RPS6KA2: variants seen among roughly 807,000 people sequenced by gnomAD.
The protein encoded by RPS6KA2 is ribosomal protein S6 kinase A2.
RPS6KA2 carries 42 observed loss-of-function variants against 91.8 expected under a neutral mutation model. The observed-to-expected ratio is 0.46, with a 90% CI of 0.36 to 0.59. The LOEUF (loss-of-function observed/expected upper bound fraction) is 0.59. Among genes scored for constraint, RPS6KA2 ranks in the 20% least tolerant of loss-of-function variants. The pLI, the probability that RPS6KA2 is intolerant of heterozygous loss-of-function variation, is 0.00. For missense variants in RPS6KA2, 798 were observed against 978.5 expected (o/e 0.82, Z 2.46); for synonymous variants, 414 against 393.6 (o/e 1.05, Z -0.61).
At chr6:166,516,802 G>A (rs1782659434) in intron 3 of RPS6KA2, among the ~76,000 whole-genome samples, 1 of 152,190 alleles carries the variant, frequency 6.6e-6, no homozygotes, top group Non-Finnish European at 1.5e-5. Context: ...TGTTCCATCT[G>A]CCAGGCCCTG....
At position 166,745,317 on chromosome 6, in the gene RPS6KA2, A is replaced by T. The variant is rs1020883111; in HGVS notation, c.123+112883T>A. ...CAGGTGTGTGCCACCATGCCTGGCTAATTTTTGTATTTTTAGTAGAAATGG... is the reference window on the plus strand; with the variant it reads ...CAGGTGTGTGCCACCATGCCTGGCTTATTTTTGTATTTTTAGTAGAAATGG... On this transcript the variant is annotated intron_variant, in intron 2 of 21. Coordinates refer to the RPS6KA2 transcript ENST00000503859. Among the ~76,000 whole-genome samples the T allele has an allele frequency of 4.0e-5, 6 of 151,834 alleles. No individual in the cohort carries two copies. In the East Asian group the frequency reaches 7.8e-4, roughly 20 times the overall value.
At chr6:166,797,648 G>A (rs989340032) in intron 2 of RPS6KA2, among the ~76,000 whole-genome samples, 3 of 152,058 alleles carry the variant, frequency 2.0e-5, no homozygotes, top group Admixed American at 6.5e-5. Context: ...GTCCAGGCAG[G>A]GGGTGCTGAC....
At chr6:166,455,041 C>T (rs999113258) in intron 12 of RPS6KA2, among the ~76,000 whole-genome samples, 1 of 151,578 alleles carries the variant, frequency 6.6e-6, no homozygotes, top group South Asian at 2.1e-4. Flanking sequence ...TTTAAGACTC[C>T]CTGTATGTAT....
chr6:166,676,728 A>G (rs1788631065), intron 2 of RPS6KA2, among the ~76,000 whole-genome samples: 1 of 151,910 alleles, frequency 6.6e-6, no homozygotes, highest in South Asian at 2.1e-4. Flanking sequence ...CACTTACCAC[A>G]CTCTGCTGCG....
At chr6:166,855,549 T>C (rs1780878210) in intron 2 of RPS6KA2, among the ~76,000 whole-genome samples, 1 of 152,168 alleles carries the variant, frequency 6.6e-6, no homozygotes. Flanking sequence ...GTTCAGAATA[T>C]GGCTCTTTTA....
intron 10 of RPS6KA2, among the ~76,000 whole-genome samples, chr6:166,478,781 G>C (rs1407912168): frequency 1.3e-5 from 2 of 152,170 alleles, no homozygotes; most frequent in African/African-American, 4.8e-5. Context: ...GGTGCTCTCT[G>C]CTTGTTTATG....
intron 2 of RPS6KA2, among the ~76,000 whole-genome samples, chr6:166,780,350 A>T (rs1184499996): frequency 6.6e-6 from 1 of 152,188 alleles, no homozygotes; most frequent in Non-Finnish European, 1.5e-5. Context: ...GACAATGGCC[A>T]CCTGGCCATG....
chr6:166,420,439 A>G (rs948683208), intron 17 of RPS6KA2, among the ~76,000 whole-genome samples: 2 of 151,986 alleles, frequency 1.3e-5, no homozygotes, highest in African/African-American at 4.8e-5. Context: ...CTACCCTTCT[A>G]CTGTCCGTCT....
intron 17 of RPS6KA2, 86 bp from the exon 18 acceptor site, chr6:166,420,044 G>T: frequency 1.6e-6 from 2 of 1,264,596 alleles, no homozygotes; most frequent in Non-Finnish European, 1.1e-6. Flanking sequence ...ATCCTACGCC[G>T]GCAAGCTGGG....
At chr6:166,504,647 C>A (rs780578340) in intron 5 of RPS6KA2, 35 bp from the exon 6 acceptor site, 3 of 1,441,112 alleles carry the variant, frequency 2.1e-6, no homozygotes, top group Non-Finnish European at 2.9e-6. Flanking sequence ...AAACAAAAAA[C>A]GTTTAACTTG....
chr6:166,762,061 C>T (rs561943872), intron 2 of RPS6KA2, among the ~76,000 whole-genome samples: 2 of 152,296 alleles, frequency 1.3e-5, no homozygotes, highest in African/African-American at 2.4e-5. Flanking sequence ...GGCTCTATCA[C>T]GTGGAGGCCC....
At position 166,459,760 on chromosome 6, in the gene RPS6KA2, T is replaced by C. The variant is rs536047483; in HGVS notation, c.973-209A>G. Among the ~76,000 whole-genome samples, 1 of 152,344 alleles carries C rather than the reference T, an allele frequency of 6.6e-6. No homozygotes were observed. The highest frequency in any genetic ancestry group is 2.4e-5 in the African/African-American group (1 of 41,574). On this transcript the variant is annotated intron_variant, in intron 11 of 20. Coordinates refer to ENST00000265678, the MANE Select transcript of RPS6KA2 (RefSeq NM_021135.6). This position sits in a 1 kb window ranked among gnomAD's most constrained non-coding sequence, Gnocchi z 4.9. ...GTAGTATGATAGATACTATGGCATA[T>C]ATAATAACGATGTATTATAGAAAGG... is the stretch of plus-strand genomic sequence containing the variant.
rs111764797 is a variant in RPS6KA2 at position 166,591,581 on chromosome 6, G to A, written c.99+35340C>T. ...GAAAGCAGACACACACCAAGAAGGC[G>A]GCCCTGAGATGATGGAGGCAGCCAA... is the stretch of plus-strand genomic sequence containing the variant. On this transcript the variant is annotated intron_variant, in intron 1 of 20. Coordinates refer to ENST00000265678, the MANE Select transcript of RPS6KA2 (RefSeq NM_021135.6). 1.0e-3 allele frequency among the ~76,000 whole-genome samples: 152 copies of A among 152,170 alleles called. 1 individual carries two copies. Among genetic ancestry groups the A allele is most frequent in the African/African-American group, 3.5e-3 (144 of 41,514 alleles).
chr6:166,506,437 T>C (rs1387063439), intron 5 of RPS6KA2, among the ~76,000 whole-genome samples: 4 of 151,560 alleles, frequency 2.6e-5, no homozygotes, highest in Admixed American at 2.6e-4. Context: ...GAGAGGGGAG[T>C]GGACAAACCA....
chr6:166,618,678 C>T (rs1187147072), intron 1 of RPS6KA2, among the ~76,000 whole-genome samples: 1 of 152,236 alleles, frequency 6.6e-6, no homozygotes. Context: ...GGCAAATGCC[C>T]ATCACCTCCG....
chr6:166,543,994 C>T (rs924356309), intron 1 of RPS6KA2, among the ~76,000 whole-genome samples: 1 of 152,264 alleles, frequency 6.6e-6, no homozygotes, highest in Non-Finnish European at 1.5e-5. Context: ...GTCACCAGTT[C>T]CCCTGCCCTG....
chr6:166,734,274 C>G (rs1164085673), intron 2 of RPS6KA2, among the ~76,000 whole-genome samples: 1 of 152,210 alleles, frequency 6.6e-6, no homozygotes, highest in African/African-American at 2.4e-5. Flanking sequence ...GCCTCGTATA[C>G]CTGTTTCTCT....
intron 2 of RPS6KA2, among the ~76,000 whole-genome samples, chr6:166,788,221 C>G (rs1224265104): frequency 6.6e-6 from 1 of 152,166 alleles, no homozygotes; most frequent in African/African-American, 2.4e-5. Context: ...AATGGGAATG[C>G]TTTTATGCTG....
chr6:166,862,026 T>C, intron 1 of RPS6KA2: 1 of 1,564,868 alleles, frequency 6.4e-7, no homozygotes, highest in Non-Finnish European at 8.8e-7. Flanking sequence ...CATGAACTGA[T>C]TATAGTAAAT....
Sources: allele counts gnomAD v4.1 joint callset (sites outside exome capture counted in the v4.1 genomes callset), GRCh38; gene constraint gnomAD v4.1.1; non-coding constraint Gnocchi (gnomAD v3.1); transcripts MANE v1.5; gene names NCBI Gene and HGNC (gene_info 2026-07-23, HGNC 2026-07-21).